The following NHSL2 variants were observed in gnomAD, a reference collection of about 807,000 sequenced individuals.
NHSL2 encodes the protein NHS like 2.
NHSL2 carries 27 observed loss-of-function variants against 53.4 expected under a neutral mutation model. The observed-to-expected ratio is 0.51, with a 90% CI of 0.37 to 0.70. The LOEUF (loss-of-function observed/expected upper bound fraction) is 0.70. Among genes scored for constraint, NHSL2 ranks in the 30% least tolerant of loss-of-function variants. NHSL2 has a pLI of 0.00. For missense variants in NHSL2, 892 were observed against 980.1 expected (o/e 0.91, Z 1.20); for synonymous variants, 408 against 404.1 (o/e 1.01, Z -0.12).
chrX:72,134,552 G>A lies in NHSL2; in HGVS notation c.608G>A (p.Gly203Asp), dbSNP rs1257052564. Residue 203 changes from glycine (G) to aspartate (D), a missense_variant, in exon 4 of 8, where the codon GGT (glycine) becomes GAT (aspartate). Transcript: ENST00000633930. ...AGCGAGGATGAGACTACCACCCAGG[G>A]TGTGAGGGCCCCCGAGGCCTCCCTG... ...QLSEDETTTQ[G>D]VRAPEASLSL... 1 of 1,166,281 alleles carries A rather than the reference G, an allele frequency of 8.6e-7. No individual in the cohort carries two copies. Among genetic ancestry groups the A allele is most frequent in the African/African-American group, 1.8e-5 (1 of 56,086 alleles).
At chrX:72,097,865 A>G (rs1423398556) in intron 1 of NHSL2, among the ~76,000 whole-genome samples, 2 of 112,177 alleles carry the variant, frequency 1.8e-5, no homozygotes, top group Non-Finnish European at 3.8e-5. Flanking sequence ...TTGGTTTCCC[A>G]AACATGGACC....
chrX:72,039,154 GTCTC>G (rs1253891721), intron 1 of NHSL2, among the ~76,000 whole-genome samples: 1 of 25,461 alleles, frequency 3.9e-5, no homozygotes, highest in Non-Finnish European at 1.2e-4. Context: ...TTCCTTCCTT[GTCTC>G]TCTTTATTTC....
At chrX:72,048,987 G>GAGGAGAAGAAGAAGAAGAAGA (rs1482632182) in intron 1 of NHSL2, among the ~76,000 whole-genome samples, 3 of 35,529 alleles carry the variant, frequency 8.4e-5, no homozygotes, top group Non-Finnish European at 2.0e-4. Flanking sequence ...GAAGAAGGAG[G>GAGGAGAAGAAGAAGAAGAAGA]AGAAGAAGAA....
At chrX:71,983,964 T>C (rs910530503) in intron 1 of NHSL2, among the ~76,000 whole-genome samples, 3 of 111,523 alleles carry the variant, frequency 2.7e-5, no homozygotes, top group Admixed American at 9.5e-5. Flanking sequence ...ATGCTGTGAC[T>C]AAGAAGGCCT....
At chrX:72,025,513 A>G (rs55842085) in intron 1 of NHSL2, among the ~76,000 whole-genome samples, 17 of 112,587 alleles carry the variant, frequency 1.5e-4, no homozygotes, top group Admixed American at 2.8e-4. Flanking sequence ...CCTTGTCTAC[A>G]GTCACCAGCA....
At chrX:72,033,890 T>C (rs1028314280) in intron 1 of NHSL2, among the ~76,000 whole-genome samples, 6 of 112,114 alleles carry the variant, frequency 5.4e-5, no homozygotes, top group African/African-American at 1.9e-4. Flanking sequence ...TTTCTTTTTC[T>C]AGCCTATTGC....
intron 1 of NHSL2, among the ~76,000 whole-genome samples, chrX:72,008,280 C>T (rs1356612078): frequency 8.9e-6 from 1 of 112,919 alleles, no homozygotes. Flanking sequence ...GTTCTGTCTG[C>T]TGTCAACCTG....
chrX:72,007,410 G>A lies in NHSL2; in HGVS notation c.280+96043G>A, dbSNP rs187536584. Among the ~76,000 whole-genome samples the A allele has an allele frequency of 3.6e-5, 4 of 112,525 alleles. No homozygotes were observed. The East Asian group carries it at 8.3e-4, about 23-fold the overall frequency. On this transcript the variant is annotated intron_variant, in intron 1 of 7. Transcript: ENST00000633930. The stretch of plus-strand genomic sequence containing the variant: ...TGCTGGGATCAAATGGCAGCTACCC[G>A]GGGATGCCCTTTTAATAAAGAGCAG...
At chrX:71,956,408 C>T (rs1331597529) in intron 1 of NHSL2, among the ~76,000 whole-genome samples, 1 of 111,355 alleles carries the variant, frequency 9.0e-6, no homozygotes, top group African/African-American at 3.3e-5. Flanking sequence ...GGAGCAGTGG[C>T]CTTGGGGACC....
rs757157368 is a variant in NHSL2, at chrX:72,134,672, C to T, written c.728C>T (p.Thr243Met). Residue 243 changes from threonine (T) to methionine (M), a missense_variant, in exon 4 of 8, where the codon ACG (threonine) becomes ATG (methionine). Physicochemically the swap from Thr to Met is moderately conservative, Grantham distance 81. Coordinates refer to ENST00000633930, the MANE Select transcript of NHSL2 (RefSeq NM_001013627.3). ...EEKRWPQLCS[T>M]QSDIVPINIS... ...AAGCGGTGGCCTCAGCTTTGCTCCA[C>T]GCAGTCTGACATTGTGCCCATCAAC... 129 of 1,165,792 alleles carry T rather than the reference C, an allele frequency of 1.1e-4. No individual in the cohort carries two copies. The highest frequency in any genetic ancestry group is 1.4e-4 in the Non-Finnish European group (122 of 871,596).
At chrX:72,018,800 G>C (rs1014126623) in intron 1 of NHSL2, among the ~76,000 whole-genome samples, 79 of 112,918 alleles carry the variant, frequency 7.0e-4, no homozygotes, top group Non-Finnish European at 1.2e-3. Context: ...ACCGGCCCGC[G>C]CTGCTCTGGC....
At position 71,977,215 on chromosome X, in the gene NHSL2, C is replaced by A. The variant is rs188546526; in HGVS notation, c.280+65848C>A. ...CATTTTGCCACTTAAATCTGTGTAA[C>A]CTTGGAAATGTTATGTCTCGTTTTC... On this transcript the variant is annotated intron_variant, in intron 1 of 7. Coordinates refer to ENST00000633930, the MANE Select transcript of NHSL2 (RefSeq NM_001013627.3). Among the ~76,000 whole-genome samples, 202 of 111,575 alleles carry A rather than the reference C, an allele frequency of 1.8e-3. 1 individual carries two copies. Among genetic ancestry groups the A allele is most frequent in the African/African-American group, 6.4e-3 (196 of 30,688 alleles).
At chrX:72,109,543 C>T (rs1350712687) in intron 1 of NHSL2, among the ~76,000 whole-genome samples, 1 of 112,075 alleles carries the variant, frequency 8.9e-6, no homozygotes, top group Non-Finnish European at 1.9e-5. Context: ...GATCTCGGCT[C>T]ACTGCAACCT....
intron 1 of NHSL2, among the ~76,000 whole-genome samples, chrX:71,991,818 TTC>T (rs59851052): frequency 0.013 from 1,271 of 99,837 alleles, 17 homozygotes; most frequent in East Asian, 0.09. Context: ...GTCTTTCTCT[TTC>T]TCTCTCTCTC....
At chrX:71,965,485 C>T (rs1026335182) in intron 1 of NHSL2, among the ~76,000 whole-genome samples, 3 of 112,159 alleles carry the variant, frequency 2.7e-5, no homozygotes, top group African/African-American at 9.7e-5. Context: ...GTTCATTTAC[C>T]AATAACACAC....
intron 1 of NHSL2, among the ~76,000 whole-genome samples, chrX:71,924,687 T>A (rs1191969672): frequency 8.9e-6 from 1 of 112,395 alleles, no homozygotes; most frequent in African/African-American, 3.2e-5. Flanking sequence ...AAAGAGTTCC[T>A]TCTAGCTCAA....
chrX:72,042,422 A>G (rs2042279883), intron 1 of NHSL2, among the ~76,000 whole-genome samples: 1 of 111,509 alleles, frequency 9.0e-6, no homozygotes, highest in African/African-American at 3.3e-5. Context: ...TCTAGGATGA[A>G]CCAGTCACCA....
chrX:72,065,533 C>T lies in NHSL2; in HGVS notation c.281-66546C>T, dbSNP rs747055983. On this transcript the variant is annotated intron_variant, in intron 1 of 7. Coordinates refer to ENST00000633930, the MANE Select transcript of NHSL2 (RefSeq NM_001013627.3). ...AGGGGTGATGGGATTTGGGCTGAAG[C>T]TTAAGGAGCAGCCTGTAGGGTTTGG... Among the ~76,000 whole-genome samples, 19 of 111,414 alleles carry T rather than the reference C, an allele frequency of 1.7e-4. No individual in the cohort carries two copies. In the South Asian group the frequency reaches 2.3e-3, roughly 13 times the overall value.
intron 1 of NHSL2, among the ~76,000 whole-genome samples, chrX:72,024,567 C>G (rs767183348): frequency 8.9e-6 from 1 of 112,069 alleles, no homozygotes; most frequent in Non-Finnish European, 1.9e-5. Context: ...CAGATGAGGA[C>G]GGGCACAGAG....
Sources: allele counts gnomAD v4.1 joint callset (sites outside exome capture counted in the v4.1 genomes callset), GRCh38; gene constraint gnomAD v4.1.1; transcripts MANE v1.5; gene names NCBI Gene and HGNC (gene_info 2026-07-23, HGNC 2026-07-21).